Variants in DLG2 observed in about 807,000 individuals in gnomAD.
DLG2 encodes disks large homolog 2.
DLG2 carries 45 observed loss-of-function variants against 132.5 expected under a neutral mutation model. That is an observed-to-expected ratio of 0.34 (90% CI 0.27 to 0.44). DLG2 has a LOEUF of 0.44. Ranked by LOEUF, DLG2 falls within the 20% of genes least tolerant of loss-of-function variation. The pLI, the probability that DLG2 is intolerant of heterozygous loss-of-function variation, is 1.00. For missense variants in DLG2, 1,045 were observed against 1,196.9 expected (o/e 0.87, Z 1.87); for synonymous variants, 424 against 419.6 (o/e 1.01, Z -0.13).
chr11:84,934,051 T>C (rs1034241973), intron 6 of DLG2, among the ~76,000 whole-genome samples: 7 of 152,220 alleles, frequency 4.6e-5, no homozygotes, highest in Non-Finnish European at 8.8e-5. Flanking sequence ...ACATCTAGTT[T>C]ATTGAGTTTT....
At chr11:84,733,497 T>C (rs1004462418) in intron 6 of DLG2, among the ~76,000 whole-genome samples, 1 of 152,236 alleles carries the variant, frequency 6.6e-6, no homozygotes. Context: ...TGTTTCTTTC[T>C]TGTAAATTTG....
At chr11:84,716,707 CAAAA>C (rs397848908) in intron 6 of DLG2, among the ~76,000 whole-genome samples, 2 of 78,476 alleles carry the variant, frequency 2.5e-5, no homozygotes, top group Admixed American at 1.3e-4. Flanking sequence ...TGGACAGGGG[CAAAA>C]AAAAAAAAAA....
At chr11:84,732,684 G>A (rs2063300709) in intron 6 of DLG2, among the ~76,000 whole-genome samples, 2 of 151,792 alleles carry the variant, frequency 1.3e-5, no homozygotes, top group Non-Finnish European at 2.9e-5. Flanking sequence ...TAGGGTACAT[G>A]TGCACAATGT....
At chr11:83,482,460 G>T (rs1377556554) in intron 22 of DLG2, among the ~76,000 whole-genome samples, 2 of 152,000 alleles carry the variant, frequency 1.3e-5, no homozygotes, top group African/African-American at 4.8e-5. Flanking sequence ...AGTATATTAA[G>T]ACACAGGATA....
intron 6 of DLG2, among the ~76,000 whole-genome samples, chr11:84,889,862 C>T (rs557874042): frequency 1.8e-4 from 28 of 152,256 alleles, no homozygotes; most frequent in Middle Eastern, 6.8e-3. Flanking sequence ...ACAAAAGTCT[C>T]GAGTTTGCCA....
At chr11:85,086,936 T>C (rs2068011173) in intron 6 of DLG2, among the ~76,000 whole-genome samples, 1 of 152,258 alleles carries the variant, frequency 6.6e-6, no homozygotes, top group South Asian at 2.1e-4. Flanking sequence ...GAAAGCTTAG[T>C]ACATGTATAT....
intron 9 of DLG2, among the ~76,000 whole-genome samples, chr11:84,101,928 G>C (rs1240795136): frequency 6.6e-6 from 1 of 152,060 alleles, no homozygotes; most frequent in Non-Finnish European, 1.5e-5. Flanking sequence ...TCTTAACCTT[G>C]TCAACTTTAT....
chr11:84,765,396 T>A (rs1294782468), intron 6 of DLG2, among the ~76,000 whole-genome samples: 1 of 152,084 alleles, frequency 6.6e-6, no homozygotes, highest in Non-Finnish European at 1.5e-5. Flanking sequence ...TTCTCCTGGA[T>A]AATTAGACAT....
intron 18 of DLG2, among the ~76,000 whole-genome samples, chr11:83,725,628 C>T (rs1359113037): frequency 1.3e-5 from 2 of 152,156 alleles, no homozygotes; most frequent in African/African-American, 4.8e-5. Context: ...ACTTGTAATG[C>T]CAACATCAAG....
At chr11:84,686,312 A>AT (rs1039194361) in intron 6 of DLG2, among the ~76,000 whole-genome samples, 1 of 152,146 alleles carries the variant, frequency 6.6e-6, no homozygotes, top group Non-Finnish European at 1.5e-5. Flanking sequence ...TTTCTGAATC[A>AT]TTTTTTAATA....
chr11:84,554,078 C>T (rs1245753989), intron 6 of DLG2, among the ~76,000 whole-genome samples: 1 of 152,152 alleles, frequency 6.6e-6, no homozygotes, highest in Non-Finnish European at 1.5e-5. Flanking sequence ...TCTCTAAAAC[C>T]CATGAGCAAC....
intron 6 of DLG2, among the ~76,000 whole-genome samples, chr11:84,811,605 T>A (rs2076565047): frequency 6.6e-6 from 1 of 152,126 alleles, no homozygotes; most frequent in Non-Finnish European, 1.5e-5. Context: ...ATGTAGGCTA[T>A]TTTAAAAAAG....
At chr11:84,567,446 T>C (rs955222540) in intron 6 of DLG2, among the ~76,000 whole-genome samples, 2 of 152,170 alleles carry the variant, frequency 1.3e-5, no homozygotes, top group African/African-American at 4.8e-5. Context: ...TACTCACATA[T>C]TTGATGATCC....
intron 6 of DLG2, among the ~76,000 whole-genome samples, chr11:84,779,056 G>A (rs1340930081): frequency 2.0e-5 from 3 of 152,080 alleles, no homozygotes; most frequent in Non-Finnish European, 4.4e-5. Context: ...CCCTACTTTT[G>A]AGGTTTTGGG....
At chr11:84,828,135 G>T (rs1230992277) in intron 6 of DLG2, among the ~76,000 whole-genome samples, 1 of 151,726 alleles carries the variant, frequency 6.6e-6, no homozygotes, top group Non-Finnish European at 1.5e-5. Context: ...TGAGAATAAT[G>T]GTGGGCTCCA....
At chr11:84,541,766 G>A (rs1476983918) in intron 6 of DLG2, among the ~76,000 whole-genome samples, 1 of 152,092 alleles carries the variant, frequency 6.6e-6, no homozygotes, top group Non-Finnish European at 1.5e-5. Context: ...CCTCCCAGCT[G>A]AGCTTGCACG....
chr11:85,285,012 A>T (rs561639313), intron 4 of DLG2, among the ~76,000 whole-genome samples: 11 of 152,008 alleles, frequency 7.2e-5, no homozygotes, highest in African/African-American at 2.4e-4. Context: ...CCCACTCAAA[A>T]AATATAAAGA....
At position 83,847,017 on chromosome 11, in the gene DLG2, A is replaced by T. The variant is rs930003266; in HGVS notation, c.1566-13247T>A. Among the ~76,000 whole-genome samples the T allele has an allele frequency of 1.4e-4, 21 of 149,754 alleles. No individual in the cohort carries two copies. In the East Asian group the frequency reaches 3.7e-3, roughly 27 times the overall value. On this transcript the variant is annotated intron_variant, in intron 16 of 27. Transcript: ENST00000376104. ...TGTTTTGGTTGCCAACTTATTTTTT[A>T]AGTTATATATACTATCCATAATAAC...
In DLG2 at chr11:85,290,066, CA is replaced by C. The variant is rs143098184; in HGVS notation, c.41-4702del. Among the ~76,000 whole-genome samples, 281 of 152,222 alleles carry C rather than the reference CA, an allele frequency of 1.8e-3. 2 individuals are homozygous for C. The highest frequency in any genetic ancestry group is 6.5e-3 in the African/African-American group (270 of 41,542). On this transcript the variant is annotated intron_variant, in intron 3 of 27. Coordinates refer to ENST00000376104, the MANE Select transcript of DLG2 (RefSeq NM_001142699.3). ...GCATTATCCTTAAACTCAGCAAGCACACAATGAATTCTTGGTAATTTTCATT... is the reference window on the plus strand; with the variant it reads ...GCATTATCCTTAAACTCAGCAAGCACCAATGAATTCTTGGTAATTTTCATT...
Sources: gnomAD v4.1 joint callset for allele counts (sites outside exome capture counted in the v4.1 genomes callset) on GRCh38, gnomAD v4.1.1 for gene constraint, MANE v1.5 for transcripts, NCBI Gene and HGNC (gene_info 2026-07-23, HGNC 2026-07-21) for gene names.